MTUS1: variants seen among roughly 807,000 people sequenced by gnomAD.
The protein encoded by MTUS1 is microtubule associated scaffold protein 1.
MTUS1 carries 109 observed loss-of-function variants against 120.8 expected under a neutral mutation model. The ratio of observed to expected loss-of-function variants is 0.90; its 90% CI spans 0.77 to 1.06. The LOEUF (loss-of-function observed/expected upper bound fraction) is 1.06, where lower values mean the gene tolerates loss of function less well. Ranked by LOEUF, MTUS1 falls within the 50% of genes least tolerant of loss-of-function variation. MTUS1 has a pLI of 0.00. For synonymous variants in MTUS1, 737 were observed against 550.5 expected (o/e 1.34, Z -4.74); for missense variants, 2,210 against 1,486.3 (o/e 1.49, Z -8.01).
chr8:17,722,591 C>T (rs1458171813), intron 4 of MTUS1: 1 of 984,952 alleles, frequency 1.0e-6, no homozygotes, highest in Non-Finnish European at 1.2e-6. Flanking sequence ...CCAGCTACTG[C>T]TGCTAGGTGA....
At chr8:17,761,143 G>C (rs189868612) in intron 1 of MTUS1, among the ~76,000 whole-genome samples, 6 of 152,010 alleles carry the variant, frequency 3.9e-5, no homozygotes, top group Admixed American at 3.9e-4. Context: ...GGATTTATAA[G>C]GATTAAAAAT....
chr8:17,698,185 T>C (rs747468914), intron 6 of MTUS1, among the ~76,000 whole-genome samples: 44 of 152,194 alleles, frequency 2.9e-4, no homozygotes, highest in Admixed American at 3.3e-4. Context: ...TCCAGAAGAA[T>C]AGTCCATCAG....
intron 1 of MTUS1, among the ~76,000 whole-genome samples, chr8:17,777,213 G>C (rs911292085): frequency 6.6e-6 from 1 of 152,070 alleles, no homozygotes; most frequent in African/African-American, 2.4e-5. Flanking sequence ...AAGGTGGTTG[G>C]ATCACCTGAG....
chr8:17,703,104 CA>C (rs1313513699), intron 6 of MTUS1, among the ~76,000 whole-genome samples: 1 of 152,106 alleles, frequency 6.6e-6, no homozygotes. Flanking sequence ...AACACAATAA[CA>C]GTGATTTTAG....
Position 17,755,960 on chromosome 8 carries a change from C to A in MTUS1, c.-153G>T. On this transcript the variant is annotated splice_region_variant and 5_prime_UTR_variant, in exon 2 of 15. Transcript: ENST00000693296. ...TCTGAAGATTAAATGATTTGTTGTT[C>A]CCTGGAAGAAATAAAATGTTTAACT... 1 of 1,415,006 alleles carries A rather than the reference C, an allele frequency of 7.1e-7. No individual in the cohort carries two copies. Among genetic ancestry groups the A allele is most frequent in the Non-Finnish European group, 9.2e-7 (1 of 1,090,476 alleles). 87.7% of individuals were successfully genotyped at this position (1,415,006 alleles called of 1,614,324 possible). A position where few individuals can be genotyped will look rare whatever the true frequency, so the allele number is the denominator to read the frequency against.
chr8:17,744,319 A>T (rs1266494978), intron 2 of MTUS1, among the ~76,000 whole-genome samples: 1 of 152,182 alleles, frequency 6.6e-6, no homozygotes, highest in Non-Finnish European at 1.5e-5. Flanking sequence ...AAAGGCGGCC[A>T]CGTATGAGAT....
intron 6 of MTUS1, among the ~76,000 whole-genome samples, chr8:17,684,932 A>T (rs974283986): frequency 6.6e-5 from 10 of 152,326 alleles, no homozygotes; most frequent in Admixed American, 6.5e-4. Context: ...AAAGGAACAC[A>T]CAAATCACTG....
At chr8:17,669,742 C>A (rs4531091) in intron 8 of MTUS1, among the ~76,000 whole-genome samples, 2 of 151,984 alleles carry the variant, frequency 1.3e-5, no homozygotes, top group Non-Finnish European at 2.9e-5. Flanking sequence ...CTACTCGGGA[C>A]GCTGAGGCAG....
intron 1 of MTUS1, among the ~76,000 whole-genome samples, chr8:17,799,604 A>G (rs2052518165): frequency 1.3e-5 from 2 of 152,160 alleles, no homozygotes; most frequent in Admixed American, 6.5e-5. Context: ...CTTGAGTGTA[A>G]TAACTGCAGG....
At chr8:17,660,271 G>C (rs552197476) in intron 8 of MTUS1, among the ~76,000 whole-genome samples, 1 of 152,200 alleles carries the variant, frequency 6.6e-6, no homozygotes, top group African/African-American at 2.4e-5. Context: ...TACTCGGGAG[G>C]CTGAGGCAGG....
At chr8:17,692,206 G>A (rs937498848) in intron 6 of MTUS1, 1 of 152,124 alleles carries the variant, frequency 6.6e-6, no homozygotes. Flanking sequence ...ACCTGTCTGT[G>A]GGACAGAGAC....
At chr8:17,763,691 G>C (rs1292892051) in intron 1 of MTUS1, among the ~76,000 whole-genome samples, 1 of 152,144 alleles carries the variant, frequency 6.6e-6, no homozygotes, top group Non-Finnish European at 1.5e-5. Flanking sequence ...ACCCAGCCTG[G>C]AGCCCCAGGC....
At chr8:17,756,862 G>C (rs1214133797) in intron 1 of MTUS1, among the ~76,000 whole-genome samples, 1 of 152,152 alleles carries the variant, frequency 6.6e-6, no homozygotes, top group Non-Finnish European at 1.5e-5. Context: ...ACTGAGAAGA[G>C]TAGGAGAGCT....
At chr8:17,736,536 C>T (rs188266555) in intron 3 of MTUS1, among the ~76,000 whole-genome samples, 11 of 152,034 alleles carry the variant, frequency 7.2e-5, no homozygotes, top group African/African-American at 2.2e-4. Flanking sequence ...CTTGACCAAC[C>T]GTTTAAAAAT....
At chr8:17,756,636 TCC>T (rs2048629953) in intron 1 of MTUS1, among the ~76,000 whole-genome samples, 2 of 145,324 alleles carry the variant, frequency 1.4e-5, no homozygotes, top group African/African-American at 2.6e-5. Context: ...ACTAAACTGT[TCC>T]CCACCCCTCT....
chr8:17,660,197 A>AC (rs1809371749), intron 8 of MTUS1, among the ~76,000 whole-genome samples: 1 of 152,018 alleles, frequency 6.6e-6, no homozygotes. Flanking sequence ...ACATGGTGAA[A>AC]CCCCATCTCT....
chr8:17,791,019 A>C (rs2051739346), intron 1 of MTUS1, among the ~76,000 whole-genome samples: 1 of 152,166 alleles, frequency 6.6e-6, no homozygotes. Context: ...TTTCAGCACC[A>C]ATGTATAGAA....
chr8:17,717,212 C>T (rs1406822624), intron 4 of MTUS1, among the ~76,000 whole-genome samples: 2 of 152,218 alleles, frequency 1.3e-5, no homozygotes, highest in East Asian at 3.8e-4. Flanking sequence ...CAAATCAACA[C>T]AGAGCTTTCC....
chr8:17,659,666 C>A (rs1392431303), intron 8 of MTUS1, among the ~76,000 whole-genome samples: 1 of 152,138 alleles, frequency 6.6e-6, no homozygotes, highest in Admixed American at 6.5e-5. Flanking sequence ...CTACCGCACT[C>A]CAGCCTGGCG....
Sources: allele counts gnomAD v4.1 joint callset (sites outside exome capture counted in the v4.1 genomes callset), GRCh38; gene constraint gnomAD v4.1.1; transcripts MANE v1.5; gene names NCBI Gene and HGNC (gene_info 2026-07-23, HGNC 2026-07-21).